The following POLDIP2 variants were observed in gnomAD, a reference collection of about 807,000 sequenced individuals.
The protein encoded by POLDIP2 is polymerase delta-interacting protein 2.
A neutral mutation model predicts 52.9 loss-of-function variants in POLDIP2; 32 were observed. The ratio of observed to expected loss-of-function variants is 0.61; its 90% CI spans 0.46 to 0.81. The LOEUF (loss-of-function observed/expected upper bound fraction) is 0.81, where lower values mean the gene tolerates loss of function less well. Among genes scored for constraint, POLDIP2 ranks in the 40% least tolerant of loss-of-function variants. POLDIP2 has a pLI of 0.00. For missense variants in POLDIP2, 371 were observed against 477.3 expected, an observed-to-expected ratio of 0.78 and a Z score of 2.07; for synonymous variants, 183 against 183.0, an observed-to-expected ratio of 1.00 and a Z score of 0.00.
chr17:28,349,735 A>G (rs1021102818), intron 9 of POLDIP2, among the ~76,000 whole-genome samples: 2 of 152,150 alleles, frequency 1.3e-5, no homozygotes, highest in East Asian at 1.9e-4. Context: ...TAATTCTCCT[A>G]ATGATCATAA....
At chr17:28,354,853 G>A (rs1000469493) in intron 2 of POLDIP2, among the ~76,000 whole-genome samples, 4 of 152,140 alleles carry the variant, frequency 2.6e-5, no homozygotes, top group East Asian at 1.9e-4. Context: ...ACAGCTATTG[G>A]CCATTTGCAA....
chr17:28,348,312 G>A (rs1383780672), intron 10 of POLDIP2, 81 bp from the exon 11 acceptor site: 2 of 836,786 alleles, frequency 2.4e-6, no homozygotes, highest in Non-Finnish European at 4.0e-6. Context: ...GCCCTCAGCT[G>A]CCAGCCACAG....
At position 28,353,305 on chromosome 17, in the gene POLDIP2, A is replaced by G. The variant is rs1907883372; in HGVS notation, c.450T>C (p.Ser150=). The G allele has an allele frequency of 6.3e-7, 1 of 1,580,092 alleles. No homozygotes were observed. The highest frequency in any genetic ancestry group is 8.7e-7 in the Non-Finnish European group (1 of 1,151,986). ...CCAAGAAGGTCACAGCTTCTGTCTG[A>G]GATCTCTGAGACTAAGGCAAGAAGT... ...ARDCPHISQR[S]QTEAVTFLAN... The change falls in exon 5 of 11, where the codon TCT becomes TCC. Residue 150 remains serine (S), a synonymous_variant. Coordinates refer to ENST00000540200, the MANE Select transcript of POLDIP2 (RefSeq NM_015584.5).
At position 28,348,039 on chromosome 17, in the gene POLDIP2, GAA is replaced by G; in HGVS notation, c.*76_*77del. On this transcript the variant is annotated 3_prime_UTR_variant, in exon 11 of 11. Transcript: ENST00000540200. ...CCCACTGTGGCCCATGATGGGGAGAGAAGAGTTCTGCAGCAATTGTGGGATGA... is the reference window on the plus strand; with the variant it reads ...CCCACTGTGGCCCATGATGGGGAGAGGAGTTCTGCAGCAATTGTGGGATGA... 1 of 825,824 alleles carries G rather than the reference GAA, an allele frequency of 1.2e-6. No individual in the cohort carries two copies. The allele number at this position is 825,824 out of a possible 1,614,324, so 51.2% of individuals were successfully genotyped here. A position where few individuals can be genotyped will look rare whatever the true frequency, so the allele number is the denominator to read the frequency against.
chr17:28,350,393 A>C, intron 9 of POLDIP2, 45 bp downstream of exon 9: 1 of 1,557,480 alleles, frequency 6.4e-7, no homozygotes, highest in Non-Finnish European at 8.7e-7. Flanking sequence ...CTAAGCCCCC[A>C]GGCTTGCCAC....
rs1055620761 is a variant in POLDIP2 at position 28,349,231 on chromosome 17, A to G, written c.913-69T>C. The G allele has an allele frequency of 2.7e-6, 3 of 1,107,682 alleles. No homozygotes were observed. In the African/African-American group the frequency reaches 4.6e-5, roughly 17 times the overall value. The allele number at this position is 1,107,682 out of a possible 1,614,324, so 68.6% of individuals were successfully genotyped here. On this transcript the variant is annotated intron_variant, in intron 9 of 10. Coordinates refer to ENST00000540200, the MANE Select transcript of POLDIP2 (RefSeq NM_015584.5). The stretch of plus-strand genomic sequence containing the variant: ...CATGTTTCCTGCACCCCAGGGTTAC[A>G]TGCTGACTGCCAGTTCATCAAGACT...
At chr17:28,356,591 A>G (rs1410010541) in intron 1 of POLDIP2, among the ~76,000 whole-genome samples, 1 of 152,230 alleles carries the variant, frequency 6.6e-6, no homozygotes, top group Non-Finnish European at 1.5e-5. Context: ...AATTGCAAAT[A>G]GCTATCATCT....
rs782524049 is a variant in POLDIP2 at position 28,348,072 on chromosome 17, G to C, written c.*45C>G. 45 of 1,110,228 alleles carry C rather than the reference G, an allele frequency of 4.1e-5. No homozygotes were observed. The Admixed American group carries it at 7.8e-4, about 19-fold the overall frequency. 68.8% of individuals were successfully genotyped at this position (1,110,228 alleles called of 1,614,324 possible). On this transcript the variant is annotated 3_prime_UTR_variant, in exon 11 of 11. Coordinates refer to ENST00000540200, the MANE Select transcript of POLDIP2 (RefSeq NM_015584.5). The stretch of plus-strand genomic sequence containing the variant: ...CTGCAGCAATTGTGGGATGAGAGTT[G>C]TTCTTCCCGGTGACCAAGCCTGGGC...
intron 5 of POLDIP2, 31 bp downstream of exon 5, chr17:28,353,210 G>A: frequency 8.9e-7 from 1 of 1,117,604 alleles, no homozygotes; most frequent in Non-Finnish European, 1.4e-6. Context: ...ACTCCTTCTT[G>A]ACGGGCACCA....
Position 28,355,839 on chromosome 17 carries a change from C to T in POLDIP2, c.199G>A (p.Val67Met). 2 of 1,613,260 alleles carry T rather than the reference C, an allele frequency of 1.2e-6. No individual in the cohort carries two copies. The highest frequency in any genetic ancestry group is 1.7e-5 in the Admixed American group (1 of 59,936). The change falls in exon 2 of 11, where the codon GTG becomes ATG. Residue 67 changes from valine (V) to methionine (M), a missense_variant. By Grantham distance (21) the Val-to-Met change is conservative (BLOSUM62 1). Coordinates refer to ENST00000540200, the MANE Select transcript of POLDIP2 (RefSeq NM_015584.5). ...PEGKVLETVG[V>M]FEVPKQNGKY... is the part of the protein sequence containing the mutation. ...CCATTCTGTTTTGGCACCTCAAACACACCAACTGTCTCCAACACTTTGCCC... is the reference window on the plus strand; with the variant it reads ...CCATTCTGTTTTGGCACCTCAAACATACCAACTGTCTCCAACACTTTGCCC...
At chr17:28,350,385 A>G in intron 9 of POLDIP2, 53 bp downstream of exon 9, 1 of 1,522,876 alleles carries the variant, frequency 6.6e-7, no homozygotes, top group Non-Finnish European at 8.9e-7. Flanking sequence ...GCCATGCGCT[A>G]AGCCCCCAGG....
intron 10 of POLDIP2, 137 bp from the exon 11 acceptor site, chr17:28,348,368 G>T: frequency 1.6e-6 from 1 of 615,000 alleles, no homozygotes; most frequent in South Asian, 2.0e-5. Flanking sequence ...CTCATGACAG[G>T]ATGACTGGTC....
chr17:28,355,556 G>A (rs1555580750), intron 2 of POLDIP2, among the ~76,000 whole-genome samples: 2 of 152,060 alleles, frequency 1.3e-5, no homozygotes, highest in South Asian at 2.1e-4. Flanking sequence ...GCAGTGAGCC[G>A]AGACCATGCC....
chr17:28,353,881 G>C, intron 3 of POLDIP2, 90 bp from the exon 4 acceptor site: 1 of 836,412 alleles, frequency 1.2e-6, no homozygotes, highest in Non-Finnish European at 2.1e-6. Flanking sequence ...ACCTAAACAG[G>C]CTGGTCTCTG....
chr17:28,357,302 C>A lies in POLDIP2; in HGVS notation c.147G>T (p.Arg49Ser). The A allele has an allele frequency of 6.3e-7, 1 of 1,580,370 alleles. No individual in the cohort carries two copies. Among genetic ancestry groups the A allele is most frequent in the Non-Finnish European group, 8.5e-7 (1 of 1,173,014 alleles). Reference protein sequence around the residue: ...FSPASTTTTRRHLSSRNRPEG... With the variant: ...FSPASTTTTRSHLSSRNRPEG... Reference sequence around the variant, plus strand: ...CCGTCCCTCACCGGGACGAGAGGTGCCTCCGCGTCGTCGTGGTCGACGCTG... The same window carrying A: ...CCGTCCCTCACCGGGACGAGAGGTGACTCCGCGTCGTCGTGGTCGACGCTG... Residue 49 changes from arginine (R) to serine (S), a missense_variant, in exon 1 of 11, where the codon AGG becomes AGT. Transcript: ENST00000540200.
chr17:28,354,876 T>C (rs1368741707), intron 2 of POLDIP2, among the ~76,000 whole-genome samples: 5 of 152,244 alleles, frequency 3.3e-5, no homozygotes, highest in African/African-American at 1.2e-4. Flanking sequence ...CGTTCTTTTC[T>C]AGACTAGAAA....
chr17:28,352,237 CTTTTT>C (rs782311219), intron 6 of POLDIP2, among the ~76,000 whole-genome samples: 5 of 87,680 alleles, frequency 5.7e-5, no homozygotes, highest in South Asian at 4.3e-4. Context: ...GGAATTATTT[CTTTTT>C]TTTTTTTTTT....
rs1163191920 is a variant in POLDIP2, at chr17:28,353,162, TGACAG to T, written c.514+74_514+78del. On this transcript the variant is annotated intron_variant, in intron 5 of 10. Coordinates refer to ENST00000540200, the MANE Select transcript of POLDIP2 (RefSeq NM_015584.5). ...CAGCATCATAATCCCTCCCAGTGGA[TGACAG>T]GACATCAGAATCCTCTCCCTGAGAC... The T allele has an allele frequency of 8.5e-5, 67 of 789,502 alleles. No homozygotes were observed. The African/African-American group carries it at 1.0e-3, about 12-fold the overall frequency. The allele number at this position is 789,502 out of a possible 1,614,324, so 48.9% of individuals were successfully genotyped here.
At position 28,357,294 on chromosome 17, in the gene POLDIP2, G is replaced by A. The variant is rs782182564; in HGVS notation, c.155C>T (p.Ser52Leu). Residue 52 changes from serine (S) to leucine (L), a missense_variant, in exon 1 of 11, where the codon TCG becomes TTG. Transcript: ENST00000540200. Reference protein sequence around the residue: ...ASTTTTRRHLSSRNRPEGKVL... With the variant: ...ASTTTTRRHLLSRNRPEGKVL... ...CCCTGGCTCCGTCCCTCACCGGGACGAGAGGTGCCTCCGCGTCGTCGTGGT... is the reference window on the plus strand; with the variant it reads ...CCCTGGCTCCGTCCCTCACCGGGACAAGAGGTGCCTCCGCGTCGTCGTGGT... 2 of 1,576,830 alleles carry A rather than the reference G, an allele frequency of 1.3e-6. No homozygotes were observed. Among genetic ancestry groups the A allele is most frequent in the Admixed American group, 1.7e-5 (1 of 58,636 alleles).
Sources: gnomAD v4.1 joint callset for allele counts (sites outside exome capture counted in the v4.1 genomes callset) on GRCh38, gnomAD v4.1.1 for gene constraint, MANE v1.5 for transcripts, NCBI Gene and HGNC (gene_info 2026-07-23, HGNC 2026-07-21) for gene names.